The following NDEL1 variants were observed in gnomAD, a reference collection of about 807,000 sequenced individuals.
NDEL1 encodes the protein nuclear distribution protein nudE-like 1.
A neutral mutation model predicts 45.7 loss-of-function variants in NDEL1; 9 were observed. The ratio of observed to expected loss-of-function variants is 0.20; its 90% confidence interval spans 0.12 to 0.34. NDEL1 has a LOEUF of 0.34. Ranked by LOEUF, NDEL1 falls within the 10% of genes least tolerant of loss-of-function variation. The pLI is 1.00. For missense variants in NDEL1, 306 were observed against 406.2 expected (o/e 0.75, Z 2.12); for synonymous variants, 133 against 158.6 (o/e 0.84, Z 1.21).
intron 6 of NDEL1, among the ~76,000 whole-genome samples, chr17:8,453,928 T>G (rs935686815): frequency 5.3e-5 from 8 of 152,194 alleles, no homozygotes; most frequent in Non-Finnish European, 8.8e-5. Context: ...ATTCATATAT[T>G]TAGGGAATTT....
intron 1 of NDEL1, among the ~76,000 whole-genome samples, chr17:8,442,821 G>A (rs1206222222): frequency 1.7e-5 from 2 of 118,466 alleles, no homozygotes; most frequent in East Asian, 2.6e-4. Context: ...ACGGAGTCTC[G>A]CTCTGTCCCC....
At chr17:8,439,606 AAAG>A (rs1485469341) in intron 1 of NDEL1, among the ~76,000 whole-genome samples, 1 of 152,094 alleles carries the variant, frequency 6.6e-6, no homozygotes, top group Non-Finnish European at 1.5e-5. Flanking sequence ...CTATTCCAAA[AAAG>A]AAGTTTTGGA....
At position 8,465,362 on chromosome 17, in the gene NDEL1, A is replaced by AATCT. The variant is rs1911512490; in HGVS notation, c.945-1567_945-1564dup. ...GACCTAACCCAGTGAGGAAAGAGACAATCTGGCTGTTTGTCGTCGAAGTAG... is the reference window on the plus strand; with the variant it reads ...GACCTAACCCAGTGAGGAAAGAGACAATCTATCTGGCTGTTTGTCGTCGAAGTAG... On this transcript the variant is annotated intron_variant, in intron 8 of 8. Transcript: ENST00000334527. The surrounding 1 kb of genome is among the most constrained non-coding windows in gnomAD (Gnocchi z 4.9). 2.0e-5 allele frequency: 3 copies of AATCT among 152,370 alleles called. No individual in the cohort carries two copies. Among genetic ancestry groups the AATCT allele is most frequent in the Non-Finnish European group, 4.4e-5 (3 of 68,032 alleles). The allele number at this position is 152,370 out of a possible 1,614,324, so 9.4% of individuals were successfully genotyped here. A position where few individuals can be genotyped will look rare whatever the true frequency, so the allele number is the denominator to read the frequency against.
chr17:8,458,887 C>T (rs1911023400), intron 7 of NDEL1, among the ~76,000 whole-genome samples: 1 of 152,058 alleles, frequency 6.6e-6, no homozygotes, highest in Non-Finnish European at 1.5e-5. Flanking sequence ...CCACCACACC[C>T]AGCTAATTTT....
Position 8,445,795 on chromosome 17 carries a change from G to C in NDEL1, c.171G>C (p.Gln57His), listed in dbSNP as rs777895464. Residue 57 changes from glutamine to histidine, a missense_variant, in exon 3 of 9, where the codon CAG becomes CAC. Coordinates refer to ENST00000334527, the MANE Select transcript of NDEL1 (RefSeq NM_030808.5). Reference sequence around the variant, plus strand: ...CAGAGTTGGAGGCACAATTAGTACAGGCTGAACAAAGAAATAGAGACTTGC... The same window carrying C: ...CAGAGTTGGAGGCACAATTAGTACACGCTGAACAAAGAAATAGAGACTTGC... ...LEAELEAQLV[Q>H]AEQRNRDLQA... 1 of 1,589,330 alleles carries C rather than the reference G, an allele frequency of 6.3e-7. No individual in the cohort carries two copies. Among genetic ancestry groups the C allele is most frequent in the East Asian group, 2.3e-5 (1 of 42,902 alleles).
chr17:8,419,607 A>G (rs1331938501), intron 1 of NDEL1, among the ~76,000 whole-genome samples: 2 of 152,248 alleles, frequency 1.3e-5, no homozygotes, highest in African/African-American at 4.8e-5. Context: ...ATTTTGATTA[A>G]CAAGTTCCTC....
At chr17:8,420,775 TA>T (rs1283432562) in intron 1 of NDEL1, among the ~76,000 whole-genome samples, 1 of 152,212 alleles carries the variant, frequency 6.6e-6, no homozygotes, top group Admixed American at 6.5e-5. Flanking sequence ...AGCCTTAGAT[TA>T]TATGAATCAT....
chr17:8,461,067 A>T (rs1728907320), intron 8 of NDEL1: 2 of 152,324 alleles, frequency 1.3e-5, no homozygotes, highest in African/African-American at 2.4e-5. Context: ...GCCAACAGGC[A>T]CCCGTGATCC....
intron 7 of NDEL1, among the ~76,000 whole-genome samples, chr17:8,457,778 C>T (rs1226746340): frequency 1.2e-4 from 19 of 152,056 alleles, no homozygotes; most frequent in South Asian, 8.3e-4. Context: ...TCCATCTGTG[C>T]TTTGGATCTC....
intron 1 of NDEL1, among the ~76,000 whole-genome samples, chr17:8,416,595 A>G (rs113167113): frequency 0.018 from 2,771 of 152,232 alleles, 87 homozygotes; most frequent in African/African-American, 0.062. Flanking sequence ...GGAAGTTTTT[A>G]GGAGTGTCTT....
intron 6 of NDEL1, among the ~76,000 whole-genome samples, chr17:8,451,767 T>C (rs948857504): frequency 6.6e-6 from 1 of 151,996 alleles, no homozygotes; most frequent in Non-Finnish European, 1.5e-5. Context: ...GCTACTCTCA[T>C]CCCCCCTTGC....
intron 6 of NDEL1, among the ~76,000 whole-genome samples, chr17:8,454,152 G>A (rs1001216050): frequency 2.6e-5 from 4 of 152,048 alleles, no homozygotes; most frequent in African/African-American, 7.2e-5. Context: ...AAAGCCAAAG[G>A]TTCTCCTACC....
downstream of NDEL1, among the ~76,000 whole-genome samples, chr17:8,471,444 T>C (rs575472410): frequency 1.3e-5 from 2 of 152,362 alleles, no homozygotes; most frequent in African/African-American, 4.8e-5. Flanking sequence ...GTGGCCCACG[T>C]GAAGCTGGGG....
chr17:8,431,033 C>A (rs550631749), upstream of NDEL1, among the ~76,000 whole-genome samples: 4 of 152,192 alleles, frequency 2.6e-5, no homozygotes, highest in Admixed American at 2.6e-4. Flanking sequence ...CTGACAAACA[C>A]CAGTTTTGGG....
At chr17:8,456,556 C>T (rs1480967817) in intron 7 of NDEL1, among the ~76,000 whole-genome samples, 16 of 136,874 alleles carry the variant, frequency 1.2e-4, no homozygotes, top group Admixed American at 4.1e-4. Context: ...TGGAGTGCAG[C>T]GGCACGATCT....
upstream of NDEL1, chr17:8,432,211 A>G (rs1165980788): frequency 6.6e-6 from 1 of 150,378 alleles, no homozygotes; most frequent in Non-Finnish European, 1.5e-5. Context: ...TATTTAGTAC[A>G]TCCCTAAAGA....
downstream of NDEL1, among the ~76,000 whole-genome samples, chr17:8,472,656 CTG>C (rs1911876579): frequency 6.6e-6 from 1 of 151,766 alleles, no homozygotes; most frequent in African/African-American, 2.4e-5. Context: ...GAGCGCGACT[CTG>C]TCTCGGGAAA....
At chr17:8,443,185 T>C (rs1693764547) in intron 1 of NDEL1, among the ~76,000 whole-genome samples, 2 of 152,204 alleles carry the variant, frequency 1.3e-5, no homozygotes, top group Admixed American at 6.5e-5. Context: ...TCCACTATTG[T>C]GCAGGCATTG....
At chr17:8,473,147 CTG>C (rs918528545), downstream of NDEL1, among the ~76,000 whole-genome samples, 5 of 152,130 alleles carry the variant, frequency 3.3e-5, no homozygotes, top group Admixed American at 1.3e-4. Context: ...AGTTGGGAAA[CTG>C]TGACGTGAAC....
Sources: gnomAD v4.1 joint callset for allele counts (sites outside exome capture counted in the v4.1 genomes callset) on GRCh38, gnomAD v4.1.1 for gene constraint, Gnocchi (gnomAD v3.1) non-coding constraint, MANE v1.5 for transcripts, NCBI Gene and HGNC (gene_info 2026-07-23, HGNC 2026-07-21) for gene names.